The following XKRX variants were observed in gnomAD, a reference collection of about 807,000 sequenced individuals.
The protein encoded by XKRX is XK-related protein 2.
Under a neutral mutation model 22.4 loss-of-function variants are expected in XKRX, and 11 were observed. The ratio of observed to expected loss-of-function variants is 0.49; its 90% CI spans 0.31 to 0.81. XKRX has a LOEUF of 0.81. Among genes scored for constraint, XKRX ranks in the 40% least tolerant of loss-of-function variants. The pLI, the probability that XKRX is intolerant of heterozygous loss-of-function variation, is 0.05. For missense variants in XKRX, 320 were observed against 336.5 expected, an observed-to-expected ratio of 0.95 and a Z score of 0.38; for synonymous variants, 114 against 132.2, an observed-to-expected ratio of 0.86 and a Z score of 0.94.
upstream of XKRX, among the ~76,000 whole-genome samples, chrX:100,930,322 A>ATGATG (rs1569456658): frequency 4.6e-5 from 4 of 87,774 alleles, no homozygotes; most frequent in African/African-American, 1.7e-4. Context: ...TAATAATAAT[A>ATGATG]ATAATGATGA....
At chrX:100,910,832 A>G, downstream of XKRX, 1 of 777,610 alleles carries the variant, frequency 1.3e-6, no homozygotes, top group Non-Finnish European at 2.0e-6. Flanking sequence ...AGGCAAAGAA[A>G]ATGATGGTCT....
the XKRX span, among the ~76,000 whole-genome samples, chrX:100,907,668 C>G: frequency 8.9e-6 from 1 of 112,105 alleles, no homozygotes; most frequent in East Asian, 2.8e-4. Flanking sequence ...ATGAACACCC[C>G]TATGCATAAC....
In XKRX at chrX:100,928,856, T is replaced by G; in HGVS notation, c.-552A>C. On this transcript the variant is annotated 5_prime_UTR_variant, in exon 1 of 3. Coordinates refer to ENST00000372956, the MANE Select transcript of XKRX (RefSeq NM_212559.3). ...GATTCAGTTCAGTGCCTAGGTATCCTAGCTATTGCTAGGCTGTAGCTATCA... is the reference window on the plus strand; with the variant it reads ...GATTCAGTTCAGTGCCTAGGTATCCGAGCTATTGCTAGGCTGTAGCTATCA... The G allele has an allele frequency of 1.3e-6, 1 of 754,190 alleles. No individual in the cohort carries two copies. The highest frequency in any genetic ancestry group is 1.6e-6 in the Non-Finnish European group (1 of 639,298). The allele number at this position is 754,190 out of a possible 1,213,427, so 62.2% of individuals were successfully genotyped here.
chrX:100,889,724 G>A, the XKRX span, among the ~76,000 whole-genome samples: 1 of 111,762 alleles, frequency 8.9e-6, no homozygotes. Flanking sequence ...ACAAACCCAG[G>A]CAGATGTGGT....
upstream of XKRX, among the ~76,000 whole-genome samples, chrX:100,931,350 T>A (rs1225875708): frequency 1.8e-5 from 2 of 110,327 alleles, no homozygotes; most frequent in African/African-American, 3.3e-5. Flanking sequence ...ATCACACTAC[T>A]TCCCTCTCAG....
At position 100,914,928 on chromosome X, in the gene XKRX, G is replaced by A. The variant is rs147617112; in HGVS notation, c.760C>T (p.Arg254Cys). 30 of 1,211,666 alleles carry A rather than the reference G, an allele frequency of 2.5e-5. No individual in the cohort carries two copies. Among genetic ancestry groups the A allele is most frequent in the Non-Finnish European group, 3.2e-5 (29 of 895,541 alleles). ...TIWRTLEITSRLLILVLFSAT... is the reference protein window; with the variant it reads ...TIWRTLEITSCLLILVLFSAT... Reference sequence around the variant, plus strand: ...GAGAAGAGCACCAGAATCAGGAGGCGGGAAGTGATCTCCAATGTCCGCCAG... The same window carrying A: ...GAGAAGAGCACCAGAATCAGGAGGCAGGAAGTGATCTCCAATGTCCGCCAG... The change falls in exon 3 of 3, where the codon CGC (arginine) becomes TGC (cysteine). Residue 254 changes from arginine (R) to cysteine (C), a missense_variant. Physicochemically the swap from Arg to Cys is radical, Grantham distance 180. Transcript: ENST00000372956.
At chrX:100,951,928 C>A in the XKRX span, among the ~76,000 whole-genome samples, 4 of 111,060 alleles carry the variant, frequency 3.6e-5, no homozygotes, top group Admixed American at 2.9e-4. Context: ...AGAAAAATCT[C>A]CAGGCCCAGA....
At chrX:100,942,824 T>A in the XKRX span, among the ~76,000 whole-genome samples, 1 of 111,316 alleles carries the variant, frequency 9.0e-6, no homozygotes, top group African/African-American at 3.3e-5. Context: ...TGTTTACTGA[T>A]ACCCTTAATC....
the XKRX span, among the ~76,000 whole-genome samples, chrX:100,938,930 A>C: frequency 1.8e-5 from 2 of 111,990 alleles, no homozygotes; most frequent in Non-Finnish European, 3.8e-5. Context: ...TCAATAAAGA[A>C]CTGCTAAAAT....
chrX:100,947,904 AT>A, the XKRX span, among the ~76,000 whole-genome samples: 373 of 102,163 alleles, frequency 3.7e-3, no homozygotes, highest in Non-Finnish European at 3.4e-3. Flanking sequence ...TAATACATGA[AT>A]TTTTTTTTTT....
At chrX:100,958,263 A>G in the XKRX span, among the ~76,000 whole-genome samples, 38 of 112,010 alleles carry the variant, frequency 3.4e-4, no homozygotes, top group African/African-American at 1.1e-3. Flanking sequence ...GCACAAACAG[A>G]AAAGAACACG....
At chrX:100,955,551 TA>T in the XKRX span, among the ~76,000 whole-genome samples, 14,306 of 110,355 alleles carry the variant, frequency 0.13, 775 homozygotes, top group Admixed American at 0.17. Context: ...CGGGCACCTA[TA>T]ATCCCAGCTA....
chrX:100,941,819 A>C, the XKRX span, among the ~76,000 whole-genome samples: 1 of 111,968 alleles, frequency 8.9e-6, no homozygotes, highest in Admixed American at 9.4e-5. Context: ...TTAAACTCTG[A>C]TTCCCATTTC....
At chrX:100,892,855 C>T in the XKRX span, among the ~76,000 whole-genome samples, 2 of 112,501 alleles carry the variant, frequency 1.8e-5, no homozygotes, top group Non-Finnish European at 3.8e-5. Flanking sequence ...GAAATCAATA[C>T]GTTGAAGGCA....
upstream of XKRX, among the ~76,000 whole-genome samples, chrX:100,932,295 A>G (rs1205831883): frequency 3.6e-5 from 4 of 111,376 alleles, no homozygotes; most frequent in East Asian, 8.5e-4. Context: ...TTGGGACTAA[A>G]GATGCTGGAA....
chrX:100,948,329 A>C, the XKRX span, among the ~76,000 whole-genome samples: 4 of 112,313 alleles, frequency 3.6e-5, no homozygotes, highest in Admixed American at 3.8e-4. Context: ...TTTTAAAAAA[A>C]TCAATGACCC....
At chrX:100,910,776 GA>G, downstream of XKRX, 1 of 766,966 alleles carries the variant, frequency 1.3e-6, no homozygotes, top group Non-Finnish European at 2.0e-6. Flanking sequence ...ATTACCATGA[GA>G]AAAAGAGAAA....
rs752080776 is a variant in XKRX at position 100,917,068 on chromosome X, G to A, written c.605-1985C>T. On this transcript the variant is annotated intron_variant, in intron 2 of 2. Transcript: ENST00000372956. ...TGGGAGGCAGAGGTAATAGTGGGCC[G>A]TGATTGCACCACTGCGATCCAGCCT... 6.3e-5 allele frequency among the ~76,000 whole-genome samples: 7 copies of A among 111,587 alleles called. No homozygotes were observed. In the South Asian group the frequency reaches 2.3e-3, roughly 37 times the overall value.
chrX:100,902,246 T>C, the XKRX span, among the ~76,000 whole-genome samples: 1 of 110,829 alleles, frequency 9.0e-6, no homozygotes, highest in African/African-American at 3.4e-5. Flanking sequence ...AAAATACATC[T>C]TATCAAAATT....
Sources: gnomAD v4.1 joint callset for allele counts (sites outside exome capture counted in the v4.1 genomes callset) on GRCh38, gnomAD v4.1.1 for gene constraint, MANE v1.5 for transcripts, NCBI Gene and HGNC (gene_info 2026-07-23, HGNC 2026-07-21) for gene names.